Variants in TAFA1 observed in about 807,000 individuals in gnomAD.
TAFA1 encodes TAFA chemokine like family member 1, also known as chemokine-like protein TAFA-1.
In TAFA1, 4 loss-of-function variants were observed where a neutral mutation model predicts 18.5. The observed-to-expected ratio is 0.22, with a 90% CI of 0.11 to 0.49. The LOEUF is 0.49. Among genes scored for constraint, TAFA1 ranks in the 20% least tolerant of loss-of-function variants. TAFA1 has a pLI of 0.98. For missense variants in TAFA1, 147 were observed against 169.0 expected (o/e 0.87, Z 0.72); for synonymous variants, 56 against 55.2 (o/e 1.01, Z -0.06).
intron 2 of TAFA1, among the ~76,000 whole-genome samples, chr3:68,079,606 C>T (rs2064871020): frequency 6.6e-6 from 1 of 152,040 alleles, no homozygotes; most frequent in Non-Finnish European, 1.5e-5. Flanking sequence ...GTTCAGTTTC[C>T]ATGTAGTTGA....
At chr3:68,074,000 AATT>A (rs1341647399) in intron 2 of TAFA1, among the ~76,000 whole-genome samples, 3 of 152,146 alleles carry the variant, frequency 2.0e-5, no homozygotes, top group African/African-American at 7.2e-5. Flanking sequence ...TATAATGAAT[AATT>A]ATTAACTCAC....
intron 3 of TAFA1, among the ~76,000 whole-genome samples, chr3:68,476,929 C>T (rs2072108828): frequency 1.3e-5 from 2 of 152,042 alleles, no homozygotes; most frequent in Non-Finnish European, 2.9e-5. Context: ...TATTAAAAGG[C>T]TGCTGGAATT....
intron 3 of TAFA1, among the ~76,000 whole-genome samples, chr3:68,536,526 C>T (rs998748633): frequency 6.6e-6 from 1 of 152,100 alleles, no homozygotes; most frequent in Non-Finnish European, 1.5e-5. Context: ...AAGACAAACA[C>T]CTGGCTGACA....
At chr3:68,540,800 A>G (rs574723137) in intron 4 of TAFA1, among the ~76,000 whole-genome samples, 35 of 152,324 alleles carry the variant, frequency 2.3e-4, no homozygotes, top group African/African-American at 8.4e-4. Flanking sequence ...AAAAAAACAG[A>G]AACATAGATT....
intron 2 of TAFA1, among the ~76,000 whole-genome samples, chr3:68,406,323 T>C (rs1420245474): frequency 5.3e-5 from 8 of 152,160 alleles, no homozygotes; most frequent in Non-Finnish European, 1.2e-4. Context: ...AACTATTGCC[T>C]AGCTGGTTCA....
At chr3:68,308,500 G>A (rs1376571397) in intron 2 of TAFA1, among the ~76,000 whole-genome samples, 1 of 151,992 alleles carries the variant, frequency 6.6e-6, no homozygotes, top group East Asian at 1.9e-4. Flanking sequence ...AATTCAGAGG[G>A]ACAAAAGCTT....
At chr3:68,432,666 G>A (rs183303659) in intron 3 of TAFA1, among the ~76,000 whole-genome samples, 12 of 152,108 alleles carry the variant, frequency 7.9e-5, no homozygotes, top group Admixed American at 7.2e-4. Context: ...CAAGTTGAAC[G>A]CGACATGCCG....
chr3:68,078,975 G>A (rs2064861733), intron 2 of TAFA1, among the ~76,000 whole-genome samples: 1 of 152,146 alleles, frequency 6.6e-6, no homozygotes, highest in African/African-American at 2.4e-5. Context: ...ATTGATTGTT[G>A]CCACAATTTC....
Position 68,021,256 on chromosome 3 carries a change from G to A in TAFA1, c.118+14512G>A, listed in dbSNP as rs1449840071. 4.0e-5 allele frequency among the ~76,000 whole-genome samples: 6 copies of A among 149,364 alleles called. No homozygotes were observed. The Admixed American group carries it at 4.0e-4, about 10-fold the overall frequency. On this transcript the variant is annotated intron_variant, in intron 2 of 4. Coordinates refer to ENST00000478136, the MANE Select transcript of TAFA1 (RefSeq NM_213609.4). Reference sequence around the variant, plus strand: ...GTGTCTGTGTGGTGTCACTAATAGGGAAGTTTGATTAATTAATGAAGATAC... The same window carrying A: ...GTGTCTGTGTGGTGTCACTAATAGGAAAGTTTGATTAATTAATGAAGATAC...
At chr3:68,364,755 C>T (rs1439281974) in intron 2 of TAFA1, among the ~76,000 whole-genome samples, 1 of 152,112 alleles carries the variant, frequency 6.6e-6, no homozygotes, top group Admixed American at 6.5e-5. Flanking sequence ...TCATATGTGC[C>T]AGGCAGAATT....
At chr3:68,433,345 A>G (rs775382852) in intron 3 of TAFA1, among the ~76,000 whole-genome samples, 3 of 151,998 alleles carry the variant, frequency 2.0e-5, no homozygotes, top group Non-Finnish European at 2.9e-5. Context: ...TGAAGCCATT[A>G]TCACCTTTTC....
chr3:68,060,426 G>T (rs771328141), intron 2 of TAFA1, among the ~76,000 whole-genome samples: 4 of 152,140 alleles, frequency 2.6e-5, no homozygotes, highest in Non-Finnish European at 5.9e-5. Context: ...CTTCAAGTTA[G>T]CCTGGGGCAG....
chr3:68,091,665 G>A (rs1243324340), intron 2 of TAFA1, among the ~76,000 whole-genome samples: 1 of 152,070 alleles, frequency 6.6e-6, no homozygotes, highest in Non-Finnish European at 1.5e-5. Context: ...ATGAATGAAT[G>A]AATGAGCAAA....
At chr3:68,260,220 G>A (rs9870871) in intron 2 of TAFA1, among the ~76,000 whole-genome samples, 1,753 of 152,184 alleles carry the variant, frequency 0.012, 37 homozygotes, top group African/African-American at 0.04. Flanking sequence ...CTTTGGTTCT[G>A]TTTATATGCT....
At chr3:68,415,604 A>G (rs1269644206) in intron 2 of TAFA1, among the ~76,000 whole-genome samples, 3 of 152,160 alleles carry the variant, frequency 2.0e-5, no homozygotes, top group Non-Finnish European at 4.4e-5. Flanking sequence ...AAAGATATAA[A>G]TTTATACCTT....
At chr3:68,030,975 C>T (rs1291971034) in intron 2 of TAFA1, among the ~76,000 whole-genome samples, 2 of 152,046 alleles carry the variant, frequency 1.3e-5, no homozygotes, top group Admixed American at 6.6e-5. Flanking sequence ...GGACTCATTA[C>T]CAGAAAGAAT....
chr3:68,473,545 A>G (rs1294566735), intron 3 of TAFA1, among the ~76,000 whole-genome samples: 2 of 152,094 alleles, frequency 1.3e-5, no homozygotes, highest in East Asian at 3.9e-4. Flanking sequence ...CATTATTTCC[A>G]TCATGAAACT....
At chr3:68,289,107 T>C (rs1235891467) in intron 2 of TAFA1, among the ~76,000 whole-genome samples, 2 of 152,208 alleles carry the variant, frequency 1.3e-5, no homozygotes, top group Admixed American at 1.3e-4. Flanking sequence ...GAAGAAATAG[T>C]ATATTTTTAA....
Position 68,474,029 on chromosome 3 carries a change from T to C in TAFA1, c.259+56609T>C, listed in dbSNP as rs528062300. On this transcript the variant is annotated intron_variant, in intron 3 of 4. Coordinates refer to ENST00000478136, the MANE Select transcript of TAFA1 (RefSeq NM_213609.4). ...AGCTCAGAATCTAGTATTAAGTGTG[T>C]ATCTGCAAGAAAATGTATCACCCCC... 2.5e-4 allele frequency among the ~76,000 whole-genome samples: 35 copies of C among 142,530 alleles called. No homozygotes were observed. The South Asian group carries it at 7.6e-3, about 31-fold the overall frequency. 93.5% of individuals were successfully genotyped at this position (142,530 alleles called of 152,430 possible).
Sources: allele counts gnomAD v4.1 joint callset (sites outside exome capture counted in the v4.1 genomes callset), GRCh38; gene constraint gnomAD v4.1.1; transcripts MANE v1.5; gene names NCBI Gene and HGNC (gene_info 2026-07-23, HGNC 2026-07-21).